The following EYA3 variants were observed in gnomAD, a reference collection of about 807,000 sequenced individuals.
EYA3 encodes the protein protein phosphatase EYA3.
In EYA3, 39 loss-of-function variants were observed where a neutral mutation model predicts 80.0. The ratio of observed to expected loss-of-function variants is 0.49; its 90% CI spans 0.38 to 0.64. The LOEUF is 0.64. Among genes scored for constraint, EYA3 ranks in the 30% least tolerant of loss-of-function variants. EYA3 has a pLI of 0.00. For missense variants in EYA3, 523 were observed against 676.1 expected (o/e 0.77, Z 2.51); for synonymous variants, 206 against 232.8 (o/e 0.88, Z 1.05).
chr1:28,064,337 G>A lies in EYA3; in HGVS notation c.-68-6243C>T, dbSNP rs1644749783. 2.7e-5 allele frequency among the ~76,000 whole-genome samples: 4 copies of A among 149,532 alleles called. No individual in the cohort carries two copies. The South Asian group carries it at 8.4e-4, about 31-fold the overall frequency. ...ATGCTTATTTTTCAACATGCAGTTA[G>A]GTAGAGAGGGAAGCAAGCCATCCTC... is the stretch of plus-strand genomic sequence containing the variant. On this transcript the variant is annotated intron_variant, in intron 1 of 17. Coordinates refer to ENST00000373871, the MANE Select transcript of EYA3 (RefSeq NM_001990.4).
At chr1:28,000,879 A>G (rs1247057438) in intron 11 of EYA3, among the ~76,000 whole-genome samples, 1 of 152,152 alleles carries the variant, frequency 6.6e-6, no homozygotes, top group Non-Finnish European at 1.5e-5. Flanking sequence ...CCTGGGCAAC[A>G]TGGTGAAACC....
intron 17 of EYA3, chr1:27,977,505 A>G: frequency 9.5e-7 from 1 of 1,052,548 alleles, no homozygotes; most frequent in Admixed American, 2.6e-5. Context: ...CACAGATGGG[A>G]TTTTAAGTTC....
At chr1:28,086,958 G>C (rs555813058) in intron 1 of EYA3, among the ~76,000 whole-genome samples, 1 of 152,248 alleles carries the variant, frequency 6.6e-6, no homozygotes, top group South Asian at 2.1e-4. Flanking sequence ...AATAAGCCAA[G>C]GACTATACAC....
At position 27,989,800 on chromosome 1, in the gene EYA3, G is replaced by A; in HGVS notation, c.1315C>T (p.Pro439Ser). ...HKSNVGGLLSPQRKEALQRLR... is the reference protein window; with the variant it reads ...HKSNVGGLLSSQRKEALQRLR... ...CTCTGCAGTGCTTCCTTCCTCTGGG[G>A]ACTGAGGAGACCTTTAGGAATAAAA... Residue 439 changes from proline to serine, a missense_variant, in exon 15 of 18, where the codon CCC becomes TCC. Around this residue, in one of 2 missense-constraint regions of EYA3, gnomAD observed 219 missense variants for 332.8 expected, o/e 0.66. Coordinates refer to ENST00000373871, the MANE Select transcript of EYA3 (RefSeq NM_001990.4). 6.2e-7 allele frequency: 1 copy of A among 1,601,034 alleles called. No homozygotes were observed. The highest frequency in any genetic ancestry group is 8.5e-7 in the Non-Finnish European group (1 of 1,170,958).
intron 11 of EYA3, among the ~76,000 whole-genome samples, chr1:28,000,574 A>C (rs372351435): frequency 6.6e-6 from 1 of 152,110 alleles, no homozygotes; most frequent in East Asian, 2.0e-4. Flanking sequence ...GGCCTCCCAA[A>C]GTGCTGGGAT....
intron 1 of EYA3, among the ~76,000 whole-genome samples, chr1:28,081,961 A>G (rs1645445301): frequency 6.6e-6 from 1 of 152,154 alleles, no homozygotes; most frequent in Non-Finnish European, 1.5e-5. Context: ...TGCAGAAGCA[A>G]TTTAAAAGGG....
chr1:27,977,293 T>G (rs1322268979), intron 17 of EYA3: 20 of 1,549,786 alleles, frequency 1.3e-5, no homozygotes, highest in Non-Finnish European at 1.6e-5. Flanking sequence ...CATAGTTTAT[T>G]ATAGTTGCTA....
intron 2 of EYA3, among the ~76,000 whole-genome samples, chr1:28,053,571 A>G (rs532686465): frequency 1.2e-4 from 18 of 152,328 alleles, no homozygotes; most frequent in African/African-American, 4.1e-4. Flanking sequence ...TTCACCTGTA[A>G]AAAAGAAGAT....
chr1:28,078,545 T>C (rs1318353616), intron 1 of EYA3, among the ~76,000 whole-genome samples: 10 of 144,720 alleles, frequency 6.9e-5, no homozygotes, highest in African/African-American at 2.2e-4. Context: ...CTATTTCTTT[T>C]TCTTCTTCTT....
chr1:28,011,837 A>C lies in EYA3; in HGVS notation c.770-751T>G, dbSNP rs140422088. Among the ~76,000 whole-genome samples the C allele has an allele frequency of 6.5e-3, 988 of 152,206 alleles. 9 individuals are homozygous for C. Among genetic ancestry groups the C allele is most frequent in the African/African-American group, 0.022 (913 of 41,548 alleles). Reference sequence around the variant, plus strand: ...TTGGATCCTAATTTTCCCTCCTCAAATTTTCTATTTATTTATTATTTCTAT... The same window carrying C: ...TTGGATCCTAATTTTCCCTCCTCAACTTTTCTATTTATTTATTATTTCTAT... On this transcript the variant is annotated intron_variant, in intron 9 of 17. Transcript: ENST00000373871.
chr1:28,041,166 C>G (rs1643755754), intron 4 of EYA3, among the ~76,000 whole-genome samples: 1 of 151,722 alleles, frequency 6.6e-6, no homozygotes, highest in Non-Finnish European at 1.5e-5. Context: ...GAGTTCGAGA[C>G]CAGCCTGGCC....
intron 10 of EYA3, among the ~76,000 whole-genome samples, chr1:28,007,439 G>T (rs963305728): frequency 6.6e-6 from 1 of 150,892 alleles, no homozygotes; most frequent in Non-Finnish European, 1.5e-5. Flanking sequence ...GGTTGAAGCA[G>T]TTCTCTTGCC....
At chr1:28,039,161 C>T (rs565514748) in intron 4 of EYA3, among the ~76,000 whole-genome samples, 26 of 152,284 alleles carry the variant, frequency 1.7e-4, no homozygotes, top group African/African-American at 5.5e-4. Context: ...TCTACCTTTA[C>T]CCATTACTGA....
intron 6 of EYA3, among the ~76,000 whole-genome samples, chr1:28,028,213 AAG>A (rs1384672885): frequency 6.6e-6 from 1 of 152,168 alleles, no homozygotes; most frequent in Non-Finnish European, 1.5e-5. Context: ...TTCAGAAAAA[AAG>A]AGTTATTGAC....
intron 1 of EYA3, among the ~76,000 whole-genome samples, chr1:28,086,470 C>T (rs999439400): frequency 1.2e-4 from 19 of 152,186 alleles, no homozygotes; most frequent in African/African-American, 3.9e-4. Flanking sequence ...AGGTGTGAAC[C>T]ACCATGCCAG....
intron 10 of EYA3, among the ~76,000 whole-genome samples, chr1:28,008,370 T>C (rs1307176153): frequency 6.6e-6 from 1 of 151,916 alleles, no homozygotes; most frequent in African/African-American, 2.4e-5. Flanking sequence ...CATAACCGTG[T>C]ATTAAGTATT....
chr1:28,071,058 G>A (rs1201056951), intron 1 of EYA3, among the ~76,000 whole-genome samples: 1 of 152,114 alleles, frequency 6.6e-6, no homozygotes, highest in East Asian at 1.9e-4. Flanking sequence ...GAGTAGCCGG[G>A]ATTACAGGCG....
chr1:28,079,448 G>A (rs1051103812), intron 1 of EYA3, among the ~76,000 whole-genome samples: 1 of 152,158 alleles, frequency 6.6e-6, no homozygotes, highest in Admixed American at 6.5e-5. Flanking sequence ...CCAGAAGAGA[G>A]CAGAATAAAG....
At chr1:28,007,884 A>C (rs1291282516) in intron 10 of EYA3, among the ~76,000 whole-genome samples, 1 of 152,174 alleles carries the variant, frequency 6.6e-6, no homozygotes, top group Non-Finnish European at 1.5e-5. Context: ...AAAAAATAGA[A>C]AATTGCATTC....
Sources: allele counts gnomAD v4.1 joint callset (sites outside exome capture counted in the v4.1 genomes callset), GRCh38; gene constraint gnomAD v4.1.1; regional missense constraint gnomAD v4.1.1; transcripts MANE v1.5; gene names NCBI Gene and HGNC (gene_info 2026-07-23, HGNC 2026-07-21).